Variants in RCOR2 observed in about 807,000 individuals in gnomAD.
The protein encoded by RCOR2 is REST corepressor 2.
RCOR2 carries 19 observed loss-of-function variants against 58.9 expected under a neutral mutation model. The ratio of observed to expected loss-of-function variants is 0.32; its 90% confidence interval spans 0.23 to 0.47. RCOR2 has a LOEUF of 0.47. RCOR2 is among the 20% of genes least tolerant of loss of function. RCOR2 has a pLI of 1.00. For missense variants in RCOR2, 590 were observed against 707.9 expected (o/e 0.83, Z 1.89); for synonymous variants, 286 against 278.7 (o/e 1.03, Z -0.26).
At position 63,911,786 on chromosome 11, in the gene RCOR2, T is replaced by C; in HGVS notation, c.*79A>G. On this transcript the variant is annotated 3_prime_UTR_variant, in exon 12 of 12. Transcript: ENST00000301459. ...CCCGCCAGAGCCCTAGTCCCTTCTG[T>C]CCTCAGTGACACCAGAGATGCCTGG... The C allele has an allele frequency of 1.4e-6, 2 of 1,458,988 alleles. No individual in the cohort carries two copies. The highest frequency in any genetic ancestry group is 1.8e-6 in the Non-Finnish European group (2 of 1,121,128). 90.4% of individuals were successfully genotyped at this position (1,458,988 alleles called of 1,614,324 possible).
the RCOR2 span, among the ~76,000 whole-genome samples, chr11:63,927,146 G>A: frequency 1.3e-5 from 2 of 152,022 alleles, no homozygotes; most frequent in Non-Finnish European, 2.9e-5. Flanking sequence ...TGGCCCCCTT[G>A]CTGTCTAATT....
rs1590737296 is a variant in RCOR2, at chr11:63,916,747, C to G, written c.-291G>C. The G allele has an allele frequency of 1.3e-5, 5 of 390,170 alleles. No individual in the cohort carries two copies. The South Asian group carries it at 2.1e-4, about 17-fold the overall frequency. The allele number at this position is 390,170 out of a possible 1,614,324, so 24.2% of individuals were successfully genotyped here. On this transcript the variant is annotated 5_prime_UTR_variant, in exon 1 of 12. Coordinates refer to ENST00000301459, the MANE Select transcript of RCOR2 (RefSeq NM_173587.4). ...CTGGGGCGTGATTACTATGTACGCC[C>G]CTCAGGGTTGGGGTTCCCCTGAAGT...
Position 63,911,953 on chromosome 11 carries a change from G to C in RCOR2, c.1484C>G (p.Ala495Gly). ...PPPPLIRPAL[A>G]APRHSARPGP... ...AGGGCGGGCGCTGTGGCGGGGGGCA[G>C]CCAGAGCGGGGCGGATGAGAGGCGG... is the stretch of plus-strand genomic sequence containing the variant. Residue 495 changes from alanine (A) to glycine (G), a missense_variant, in exon 12 of 12, where the codon GCT (alanine) becomes GGT (glycine). Coordinates refer to ENST00000301459, the MANE Select transcript of RCOR2 (RefSeq NM_173587.4). 7.6e-7 allele frequency: 1 copy of C among 1,308,826 alleles called. No individual in the cohort carries two copies. Among genetic ancestry groups the C allele is most frequent in the Non-Finnish European group, 1.0e-6 (1 of 987,370 alleles). 81.1% of individuals were successfully genotyped at this position (1,308,826 alleles called of 1,614,324 possible). A position where few individuals can be genotyped will look rare whatever the true frequency, so the allele number is the denominator to read the frequency against.
chr11:63,925,294 T>C, the RCOR2 span, among the ~76,000 whole-genome samples: 10 of 152,200 alleles, frequency 6.6e-5, no homozygotes, highest in Non-Finnish European at 1.3e-4. Flanking sequence ...TCCCCTTTTT[T>C]GTTTGGGGAT....
chr11:63,915,643 C>CA, intron 1 of RCOR2, 32 bp from the exon 2 acceptor site: 1 of 75,506 alleles, frequency 1.3e-5, no homozygotes, highest in Non-Finnish European at 3.1e-5. Context: ...GTCAGGACTC[C>CA]AGGGAGGGCG....
Position 63,916,525 on chromosome 11 carries a change from C to T in RCOR2, c.-69G>A. On this transcript the variant is annotated 5_prime_UTR_variant, in exon 1 of 12. Transcript: ENST00000301459. Reference sequence around the variant, plus strand: ...GCGACAGTGGTTGCCGCACTCGCTCCGAGTGCCGAGCCCGGCCCGGCCTGG... The same window carrying T: ...GCGACAGTGGTTGCCGCACTCGCTCTGAGTGCCGAGCCCGGCCCGGCCTGG... 1 of 1,527,036 alleles carries T rather than the reference C, an allele frequency of 6.5e-7. No individual in the cohort carries two copies. Among genetic ancestry groups the T allele is most frequent in the Non-Finnish European group, 8.8e-7 (1 of 1,139,914 alleles). 94.6% of individuals were successfully genotyped at this position (1,527,036 alleles called of 1,614,324 possible). A position where few individuals can be genotyped will look rare whatever the true frequency, so the allele number is the denominator to read the frequency against.
Position 63,914,055 on chromosome 11 carries a change from A to G in RCOR2, c.790T>C (p.Tyr264His). The G allele has an allele frequency of 1.2e-6, 2 of 1,613,836 alleles. No individual in the cohort carries two copies. Among genetic ancestry groups the G allele is most frequent in the African/African-American group, 1.3e-5 (1 of 75,056 alleles). The change falls in exon 8 of 12, where the codon TAC becomes CAC. Residue 264 changes from tyrosine to histidine, a missense_variant. Around this residue, in one of 3 missense-constraint regions of RCOR2, gnomAD observed 390 missense variants for 478.7 expected, o/e 0.81. Coordinates refer to ENST00000301459, the MANE Select transcript of RCOR2 (RefSeq NM_173587.4). ...GCCGTGAGGCCTTCAGGGCTCAGGT[A>G]CATGCCCTTGGGTGGGCGACGCCGG... Reference protein sequence around the residue: ...RTRRRPPKGMYLSPEGLTAVS... With the variant: ...RTRRRPPKGMHLSPEGLTAVS...
rs1199433497 is a variant in RCOR2, at chr11:63,914,813, G to A, written c.322C>T (p.Leu108=). 3 of 1,607,322 alleles carry A rather than the reference G, an allele frequency of 1.9e-6. No individual in the cohort carries two copies. The highest frequency in any genetic ancestry group is 2.2e-5 in the East Asian group (1 of 44,808). ...EKHGYNIEQA[L]GMLLWHKHDV... is the part of the protein sequence containing the mutation. Reference sequence around the variant, plus strand: ...TGCTTATGCCACAGAAGCATGCCCAGCGCCTGGCCCGGGGCAAGGGGCAGC... The same window carrying A: ...TGCTTATGCCACAGAAGCATGCCCAACGCCTGGCCCGGGGCAAGGGGCAGC... Residue 108 remains leucine (L), a synonymous_variant, in exon 5 of 12, where the codon CTG becomes TTG. Transcript: ENST00000301459.
chr11:63,924,611 C>T, the RCOR2 span, among the ~76,000 whole-genome samples: 31 of 152,268 alleles, frequency 2.0e-4, no homozygotes, highest in Admixed American at 1.2e-3. Flanking sequence ...CTCCCACTGC[C>T]CCTCCTGGCC....
At chr11:63,926,352 C>T in the RCOR2 span, among the ~76,000 whole-genome samples, 5 of 152,316 alleles carry the variant, frequency 3.3e-5, no homozygotes, top group Admixed American at 6.5e-5. Flanking sequence ...TCCCACTTAA[C>T]GATATGCCTT....
At chr11:63,924,543 A>G in the RCOR2 span, among the ~76,000 whole-genome samples, 1 of 151,392 alleles carries the variant, frequency 6.6e-6, no homozygotes, top group South Asian at 2.1e-4. Flanking sequence ...GTGGCCCTCC[A>G]CTCTTCCCTC....
Position 63,915,523 on chromosome 11 carries a change from C to A in RCOR2, c.184+32G>T, listed in dbSNP as rs1469530781. 1.9e-6 allele frequency: 3 copies of A among 1,548,606 alleles called. No homozygotes were observed. In the South Asian group the frequency reaches 3.6e-5, roughly 18 times the overall value. On this transcript the variant is annotated intron_variant, in intron 2 of 11. Transcript: ENST00000301459. The stretch of plus-strand genomic sequence containing the variant: ...AGGCCAAGCCCCGGGCCTCCACCCC[C>A]ACCCCACTTCACAGCCTGTCCTGCG...
chr11:63,926,631 G>A, the RCOR2 span, among the ~76,000 whole-genome samples: 3 of 151,614 alleles, frequency 2.0e-5, no homozygotes, highest in South Asian at 2.1e-4. Flanking sequence ...GATTACAGGC[G>A]CTCGCCACCA....
chr11:63,925,901 C>A, the RCOR2 span, among the ~76,000 whole-genome samples: 6 of 151,850 alleles, frequency 4.0e-5, no homozygotes, highest in Non-Finnish European at 8.8e-5. Flanking sequence ...AGTCACTGAA[C>A]CTCTGGACCT....
chr11:63,923,931 G>A, the RCOR2 span, among the ~76,000 whole-genome samples: 14 of 152,266 alleles, frequency 9.2e-5, no homozygotes, highest in South Asian at 2.1e-4. Context: ...TCATTGAGGC[G>A]GAGTTTCACT....
upstream of RCOR2, among the ~76,000 whole-genome samples, chr11:63,919,234 C>T (rs534389089): frequency 2.5e-4 from 38 of 152,192 alleles, no homozygotes; most frequent in Admixed American, 2.6e-4. Flanking sequence ...TGAAGAACCC[C>T]CTCATGGAGG....
the RCOR2 span, among the ~76,000 whole-genome samples, chr11:63,922,643 C>T: frequency 1.5e-4 from 23 of 152,208 alleles, no homozygotes; most frequent in African/African-American, 4.8e-4. Context: ...TGAGCCACTG[C>T]GCCAGGCCAC....
chr11:63,920,756 A>T, upstream of RCOR2, among the ~76,000 whole-genome samples: 1 of 151,888 alleles, frequency 6.6e-6, no homozygotes, highest in East Asian at 1.9e-4. Context: ...AGTCCTGCCC[A>T]GACAGGAATT....
At chr11:63,918,428 G>A (rs1390940823), upstream of RCOR2, among the ~76,000 whole-genome samples, 1 of 152,136 alleles carries the variant, frequency 6.6e-6, no homozygotes, top group Non-Finnish European at 1.5e-5. Flanking sequence ...CGGCTGCTGC[G>A]CCGTCGAGCC....
Sources: gnomAD v4.1 joint callset for allele counts (sites outside exome capture counted in the v4.1 genomes callset) on GRCh38, gnomAD v4.1.1 for gene constraint, gnomAD v4.1.1 regional missense constraint, MANE v1.5 for transcripts, NCBI Gene and HGNC (gene_info 2026-07-23, HGNC 2026-07-21) for gene names.